Variants in THSD4 observed in about 807,000 individuals in gnomAD.
THSD4 encodes thrombospondin type-1 domain-containing protein 4.
Under a neutral mutation model 119.0 loss-of-function variants are expected in THSD4, and 69 were observed. The ratio of observed to expected loss-of-function variants is 0.58; its 90% confidence interval spans 0.48 to 0.71. The LOEUF (loss-of-function observed/expected upper bound fraction) is 0.71, where lower values mean the gene tolerates loss of function less well. Ranked by LOEUF, THSD4 falls within the 30% of genes least tolerant of loss-of-function variation. The probability of loss-of-function intolerance (pLI) is 0.00; values close to 1 mark genes in which losing one functional copy is unlikely to be tolerated. For missense variants in THSD4, 1,393 were observed against 1,391.1 expected, an observed-to-expected ratio of 1.00 and a Z score of -0.02; for synonymous variants, 524 against 540.4, an observed-to-expected ratio of 0.97 and a Z score of 0.42.
At chr15:71,517,579 A>G (rs1315900022) in intron 7 of THSD4, among the ~76,000 whole-genome samples, 2 of 152,352 alleles carry the variant, frequency 1.3e-5, no homozygotes, top group East Asian at 3.9e-4. Context: ...TGAATAAGGG[A>G]TACCTCCTAG....
In THSD4 at chr15:71,151,022, A is replaced by C. The variant is rs574621821; in HGVS notation, c.30-3841A>C. 5.3e-5 allele frequency among the ~76,000 whole-genome samples: 8 copies of C among 152,272 alleles called. No homozygotes were observed. In the South Asian group the frequency reaches 1.2e-3, roughly 24 times the overall value. On this transcript the variant is annotated intron_variant, in intron 2 of 17. Transcript: ENST00000261862. ...CCATTGGATAGAGAGAGAAATTTAA[A>C]TAAAGACATAGTATGTGAGACGGTA...
intron 7 of THSD4, among the ~76,000 whole-genome samples, chr15:71,520,536 C>A (rs1005941111): frequency 5.9e-5 from 9 of 152,112 alleles, no homozygotes; most frequent in African/African-American, 2.2e-4. Flanking sequence ...TATCCCACTG[C>A]CTTTGAGTTG....
At chr15:71,618,209 A>T (rs1004749596) in intron 7 of THSD4, among the ~76,000 whole-genome samples, 1 of 152,222 alleles carries the variant, frequency 6.6e-6, no homozygotes, top group Non-Finnish European at 1.5e-5. Context: ...CCTTGTTTAG[A>T]TACAGAAACT....
chr15:71,663,571 G>A (rs1369467833), intron 8 of THSD4, among the ~76,000 whole-genome samples: 3 of 152,160 alleles, frequency 2.0e-5, no homozygotes, highest in African/African-American at 4.8e-5. Context: ...GTTGGTTACG[G>A]CCCTTTTCTC....
chr15:71,630,993 C>A (rs527254124), intron 7 of THSD4, among the ~76,000 whole-genome samples: 1 of 152,156 alleles, frequency 6.6e-6, no homozygotes, highest in Non-Finnish European at 1.5e-5. Context: ...ATGCTCTCCT[C>A]CCCAACCACC....
chr15:71,720,528 G>A (rs1003460895), intron 8 of THSD4, among the ~76,000 whole-genome samples: 2 of 152,142 alleles, frequency 1.3e-5, no homozygotes, highest in African/African-American at 4.8e-5. Context: ...ATACTATTAT[G>A]GGTGTTACCA....
chr15:71,361,015 A>G (rs1265436357), intron 6 of THSD4, among the ~76,000 whole-genome samples: 1 of 152,218 alleles, frequency 6.6e-6, no homozygotes, highest in Non-Finnish European at 1.5e-5. Context: ...CACCAAGTAT[A>G]CAGAGAAGAG....
At chr15:71,740,712 A>C (rs773259888) in intron 11 of THSD4, among the ~76,000 whole-genome samples, 6 of 152,242 alleles carry the variant, frequency 3.9e-5, no homozygotes, top group African/African-American at 9.6e-5. Flanking sequence ...ATTTAAAGAA[A>C]GCAAGGTTTT....
chr15:71,370,795 G>A (rs1180463802), intron 6 of THSD4, among the ~76,000 whole-genome samples: 1 of 152,168 alleles, frequency 6.6e-6, no homozygotes, highest in Non-Finnish European at 1.5e-5. Context: ...TGTCTATTAG[G>A]TCCACTTGGT....
chr15:71,590,725 C>T (rs1434588312), intron 7 of THSD4, among the ~76,000 whole-genome samples: 3 of 152,104 alleles, frequency 2.0e-5, no homozygotes, highest in Non-Finnish European at 4.4e-5. Flanking sequence ...GAAGAAGGGA[C>T]AGGCACGATG....
At chr15:71,299,972 AAAAAATATAT>A (rs1223576380) in intron 6 of THSD4, among the ~76,000 whole-genome samples, 4 of 27,296 alleles carry the variant, frequency 1.5e-4, no homozygotes, top group Non-Finnish European at 3.6e-4. Flanking sequence ...AAAAAAAAAA[AAAAAATATAT>A]ATATATATAT....
At chr15:71,692,523 A>G (rs2052076864) in intron 8 of THSD4, among the ~76,000 whole-genome samples, 1 of 152,132 alleles carries the variant, frequency 6.6e-6, no homozygotes, top group African/African-American at 2.4e-5. Context: ...TGCAGTGTAC[A>G]GGGAGCTACC....
intron 14 of THSD4, among the ~76,000 whole-genome samples, chr15:71,756,076 C>A (rs1450789657): frequency 6.6e-6 from 1 of 152,130 alleles, no homozygotes; most frequent in African/African-American, 2.4e-5. Flanking sequence ...TTATAGAAAA[C>A]CCTTAATGCT....
intron 10 of THSD4, 127 bp from the exon 11 acceptor site, chr15:71,737,605 G>A: frequency 7.7e-7 from 1 of 1,300,438 alleles, no homozygotes; most frequent in East Asian, 2.6e-5. Context: ...TTAAACAGAT[G>A]TGCTTATGTG....
At chr15:71,578,492 T>A (rs925442784) in intron 7 of THSD4, among the ~76,000 whole-genome samples, 1 of 152,164 alleles carries the variant, frequency 6.6e-6, no homozygotes, top group African/African-American at 2.4e-5. Context: ...TAAACATGCT[T>A]TGTGACTTTG....
intron 7 of THSD4, among the ~76,000 whole-genome samples, chr15:71,548,937 A>G (rs376030511): frequency 2.0e-5 from 3 of 152,294 alleles, no homozygotes; most frequent in Non-Finnish European, 4.4e-5. Context: ...TGGTGTGCCA[A>G]TTATTCTTAT....
chr15:71,532,283 A>AGAGAGAGAGAGAGAGAGAGAGTGTGT (rs1379506089), intron 7 of THSD4, among the ~76,000 whole-genome samples: 73 of 101,620 alleles, frequency 7.2e-4, no homozygotes, highest in Non-Finnish European at 1.1e-3. Context: ...AGAGAGAGAG[A>AGAGAGAGAGAGAGAGAGAGAGTGTGT]GTGTGTGTGT....
intron 7 of THSD4, among the ~76,000 whole-genome samples, chr15:71,527,949 C>G (rs1727524746): frequency 6.6e-6 from 1 of 152,036 alleles, no homozygotes. Context: ...CTCCTGGGCT[C>G]AAGCAATCTT....
intron 7 of THSD4, among the ~76,000 whole-genome samples, chr15:71,538,497 G>GA (rs1474020170): frequency 6.6e-6 from 1 of 152,204 alleles, no homozygotes; most frequent in African/African-American, 2.4e-5. Flanking sequence ...TTTAGTATCT[G>GA]ACAGTTACCT....
Sources: allele counts gnomAD v4.1 joint callset (sites outside exome capture counted in the v4.1 genomes callset), GRCh38; gene constraint gnomAD v4.1.1; transcripts MANE v1.5; gene names NCBI Gene and HGNC (gene_info 2026-07-23, HGNC 2026-07-21).